Variants in TEX9 observed in about 807,000 individuals in gnomAD.
The protein encoded by TEX9 is testis expressed 9.
A neutral mutation model predicts 59.6 loss-of-function variants in TEX9; 74 were observed. That is an observed-to-expected ratio of 1.24 (90% CI 1.03 to 1.51). The LOEUF (loss-of-function observed/expected upper bound fraction) is 1.51, where lower values mean the gene tolerates loss of function less well. TEX9 is among the 40% of genes most tolerant of loss of function. The pLI is 0.00. For synonymous variants in TEX9, 186 were observed against 152.2 expected (o/e 1.22, Z -1.64); for missense variants, 522 against 447.8 (o/e 1.17, Z -1.49).
intron 10 of TEX9, among the ~76,000 whole-genome samples, chr15:56,418,422 C>T (rs1275653000): frequency 6.6e-6 from 1 of 150,762 alleles, no homozygotes; most frequent in African/African-American, 2.4e-5. Flanking sequence ...GATCTTATTT[C>T]TCCTTCACTT....
chr15:56,418,794 C>T (rs1196777693), intron 10 of TEX9, among the ~76,000 whole-genome samples: 8 of 151,954 alleles, frequency 5.3e-5, no homozygotes, highest in Non-Finnish European at 2.9e-5. Context: ...TAAGGTGCAA[C>T]TGCAATAAAT....
At chr15:56,435,439 A>T (rs1345106371) in intron 12 of TEX9, among the ~76,000 whole-genome samples, 2 of 152,056 alleles carry the variant, frequency 1.3e-5, no homozygotes, top group African/African-American at 4.8e-5. Context: ...ACCTAGAAAA[A>T]AAAAATGAAT....
At chr15:56,252,867 T>C (rs541223773) in intron 1 of TEX9, among the ~76,000 whole-genome samples, 1 of 152,264 alleles carries the variant, frequency 6.6e-6, no homozygotes, top group African/African-American at 2.4e-5. Flanking sequence ...GTGGGGATAA[T>C]AACTCCTTCA....
chr15:56,418,159 G>C (rs567926229), intron 10 of TEX9, among the ~76,000 whole-genome samples: 15 of 151,794 alleles, frequency 9.9e-5, no homozygotes, highest in African/African-American at 3.2e-4. Flanking sequence ...TTTTAAGTGG[G>C]GCATTTAGAC....
chr15:56,365,313 G>A (rs1357360968), upstream of TEX9: 46 of 1,221,222 alleles, frequency 3.8e-5, no homozygotes, highest in Non-Finnish European at 4.9e-5. Context: ...CGAGCCCGCT[G>A]CCAGAGGCTC....
chr15:56,309,335 T>G (rs2045551022), intron 1 of TEX9, among the ~76,000 whole-genome samples: 1 of 152,214 alleles, frequency 6.6e-6, no homozygotes, highest in Admixed American at 6.5e-5. Context: ...TTTGTATTTT[T>G]TAATTCTGTT....
chr15:56,375,448 T>G (rs1216986952), intron 3 of TEX9, among the ~76,000 whole-genome samples: 1 of 152,094 alleles, frequency 6.6e-6, no homozygotes, highest in Non-Finnish European at 1.5e-5. Flanking sequence ...GCGAAAATTT[T>G]CTCCCATTTT....
chr15:56,265,167 T>C (rs577948786), intron 1 of TEX9, among the ~76,000 whole-genome samples: 27 of 151,018 alleles, frequency 1.8e-4, no homozygotes, highest in Admixed American at 2.6e-4. Context: ...TTCTTTCTTT[T>C]TTTTTTTTTT....
chr15:56,453,453 A>T, the TEX9 span, among the ~76,000 whole-genome samples: 1 of 152,156 alleles, frequency 6.6e-6, no homozygotes, highest in Admixed American at 6.5e-5. Flanking sequence ...CAGCTTGATT[A>T]TCAGTCCAGA....
At chr15:56,348,493 G>A (rs550872525) in intron 1 of TEX9, among the ~76,000 whole-genome samples, 43 of 152,038 alleles carry the variant, frequency 2.8e-4, no homozygotes, top group African/African-American at 9.6e-4. Context: ...CTTCATTATT[G>A]GCATATATTT....
At chr15:56,329,293 A>G (rs967547675) in intron 1 of TEX9, among the ~76,000 whole-genome samples, 4 of 152,194 alleles carry the variant, frequency 2.6e-5, no homozygotes, top group African/African-American at 7.2e-5. Flanking sequence ...ATACCTGGAA[A>G]GCCTTCCTAA....
intron 1 of TEX9, among the ~76,000 whole-genome samples, chr15:56,277,435 T>A (rs1214202232): frequency 6.6e-6 from 1 of 152,234 alleles, no homozygotes; most frequent in Non-Finnish European, 1.5e-5. Flanking sequence ...TAGGAAATCC[T>A]TTCCCCATTG....
intron 1 of TEX9, among the ~76,000 whole-genome samples, chr15:56,297,488 C>T (rs12439300): frequency 6.6e-6 from 1 of 152,184 alleles, no homozygotes; most frequent in Non-Finnish European, 1.5e-5. Context: ...ACCTAACACT[C>T]TACCCAGGTG....
At chr15:56,277,104 C>G (rs1274912853) in intron 1 of TEX9, among the ~76,000 whole-genome samples, 1 of 151,810 alleles carries the variant, frequency 6.6e-6, no homozygotes, top group Non-Finnish European at 1.5e-5. Context: ...ACAATTTTCT[C>G]CCATTCTGTA....
chr15:56,403,036 TG>T (rs1302012261), intron 9 of TEX9, among the ~76,000 whole-genome samples: 1 of 152,202 alleles, frequency 6.6e-6, no homozygotes. Flanking sequence ...TCATACTAAA[TG>T]GGCAAAAACT....
At chr15:56,342,770 C>T (rs2046397062) in intron 1 of TEX9, among the ~76,000 whole-genome samples, 1 of 152,130 alleles carries the variant, frequency 6.6e-6, no homozygotes, top group Non-Finnish European at 1.5e-5. Flanking sequence ...TGCAGCTGTA[C>T]CCAAAGTGGC....
chr15:56,428,385 A>G (rs777989652), exon 12 of TEX9: 2 of 1,612,184 alleles, frequency 1.2e-6, no homozygotes, highest in South Asian at 2.2e-5. Flanking sequence ...TGAAGCTGCC[A>G]AGATGCTATC....
intron 2 of TEX9, among the ~76,000 whole-genome samples, chr15:56,366,094 C>T (rs1215378230): frequency 2.0e-5 from 3 of 152,180 alleles, no homozygotes; most frequent in Admixed American, 1.3e-4. Context: ...CTTCCCACTG[C>T]AATCAGAATT....
chr15:56,295,945 A>C (rs906639958), intron 1 of TEX9, among the ~76,000 whole-genome samples: 1 of 152,178 alleles, frequency 6.6e-6, no homozygotes, highest in African/African-American at 2.4e-5. Context: ...CTAAAATCCC[A>C]AACTGCTGCC....
Sources: gnomAD v4.1 joint callset for allele counts (sites outside exome capture counted in the v4.1 genomes callset) on GRCh38, gnomAD v4.1.1 for gene constraint, MANE v1.5 for transcripts, NCBI Gene and HGNC (gene_info 2026-07-23, HGNC 2026-07-21) for gene names.